Variants in TSNARE1 observed in about 807,000 individuals in gnomAD.
TSNARE1 encodes t-SNARE domain-containing protein 1.
A neutral mutation model predicts 62.0 loss-of-function variants in TSNARE1; 49 were observed. That is an observed-to-expected ratio of 0.79 (90% CI 0.63 to 1.00). The LOEUF (loss-of-function observed/expected upper bound fraction) is 1.00. TSNARE1 is among the 50% of genes least tolerant of loss of function. The pLI is 0.00. For synonymous variants in TSNARE1, 328 were observed against 294.4 expected (o/e 1.11, Z -1.17); for missense variants, 755 against 700.1 (o/e 1.08, Z -0.88).
intron 12 of TSNARE1, among the ~76,000 whole-genome samples, chr8:142,238,757 A>ACCCCTGCACTCCCG (rs1817556356): frequency 8.4e-5 from 7 of 82,862 alleles, no homozygotes; most frequent in African/African-American, 3.4e-4. Flanking sequence ...CTGCACGCCC[A>ACCCCTGCACTCCCG]CCCCTGCACG....
At chr8:142,253,455 A>G (rs1818274697) in intron 12 of TSNARE1, among the ~76,000 whole-genome samples, 1 of 151,758 alleles carries the variant, frequency 6.6e-6, no homozygotes, top group Non-Finnish European at 1.5e-5. Flanking sequence ...CTGGGCAGGG[A>G]CCCATTGCAG....
chr8:142,296,149 T>G (rs1348449052), intron 10 of TSNARE1, among the ~76,000 whole-genome samples: 1 of 14,720 alleles, frequency 6.8e-5, no homozygotes, highest in Non-Finnish European at 1.2e-4. Flanking sequence ...GTCACTGTCA[T>G]GGGGGGGTGG....
intron 12 of TSNARE1, among the ~76,000 whole-genome samples, chr8:142,242,387 G>A (rs1817706145): frequency 6.6e-6 from 1 of 152,224 alleles, no homozygotes; most frequent in Admixed American, 6.5e-5. Flanking sequence ...CCAACAGCAT[G>A]AGCTACAAAA....
chr8:142,261,250 A>C (rs901515112), intron 12 of TSNARE1, among the ~76,000 whole-genome samples: 5 of 101,378 alleles, frequency 4.9e-5, no homozygotes, highest in Admixed American at 1.1e-4. Context: ...AGAAGGAGAG[A>C]GGGAGGAGGG....
chr8:142,381,243 T>C (rs1366359106), intron 1 of TSNARE1, among the ~76,000 whole-genome samples: 2 of 152,126 alleles, frequency 1.3e-5, no homozygotes, highest in African/African-American at 4.8e-5. Context: ...CCAGCCCAGG[T>C]CCCTGTCGGG....
chr8:142,269,160 G>T (rs1271326082), intron 12 of TSNARE1, among the ~76,000 whole-genome samples: 2 of 152,196 alleles, frequency 1.3e-5, no homozygotes, highest in Non-Finnish European at 2.9e-5. Flanking sequence ...ACTGACCAGG[G>T]TCAGGGCTGG....
intron 6 of TSNARE1, among the ~76,000 whole-genome samples, chr8:142,325,044 G>A (rs560632232): frequency 6.6e-6 from 1 of 152,344 alleles, no homozygotes; most frequent in African/African-American, 2.4e-5. Flanking sequence ...CCAGTTTCAT[G>A]AGCAGGTGAT....
intron 1 of TSNARE1, among the ~76,000 whole-genome samples, chr8:142,369,285 A>G (rs760271956): frequency 2.0e-5 from 3 of 152,210 alleles, no homozygotes; most frequent in Non-Finnish European, 4.4e-5. Context: ...GAGGGTAAAA[A>G]CAGCAGCAAC....
intron 13 of TSNARE1, among the ~76,000 whole-genome samples, chr8:142,215,489 G>C (rs936915242): frequency 6.6e-6 from 1 of 152,122 alleles, no homozygotes; most frequent in Non-Finnish European, 1.5e-5. Context: ...TGGGAACTGG[G>C]TCTCATCCAT....
At chr8:142,351,614 T>C (rs1834100296) in intron 2 of TSNARE1, among the ~76,000 whole-genome samples, 1 of 152,198 alleles carries the variant, frequency 6.6e-6, no homozygotes, top group South Asian at 2.1e-4. Context: ...CAGGTGATCC[T>C]AAACCTTATG....
rs115292064 is a variant in TSNARE1 at position 142,218,113 on chromosome 8, C to G, written c.*12-5800G>C. ...GGCCAGGTCAGGGCTCAGTGTGTGA[C>G]CAGGATCAGGGCTCCGTGTGACCAG... On this transcript the variant is annotated intron_variant, in intron 13 of 13. Transcript: ENST00000524325. Among the ~76,000 whole-genome samples, 23 of 56,342 alleles carry G rather than the reference C, an allele frequency of 4.1e-4. 9 individuals carry two copies. The highest frequency in any genetic ancestry group is 7.5e-4 in the Admixed American group (5 of 6,702). 37.0% of individuals were successfully genotyped at this position (56,342 alleles called of 152,430 possible).
At chr8:142,280,476 G>A (rs1321492658) in intron 11 of TSNARE1, among the ~76,000 whole-genome samples, 1 of 152,130 alleles carries the variant, frequency 6.6e-6, no homozygotes, top group Non-Finnish European at 1.5e-5. Context: ...CACTATACAG[G>A]GGCCCTTCTG....
intron 13 of TSNARE1, among the ~76,000 whole-genome samples, chr8:142,216,191 A>T (rs1815827334): frequency 6.6e-6 from 1 of 152,124 alleles, no homozygotes; most frequent in Non-Finnish European, 1.5e-5. Context: ...GGTGTAGAAG[A>T]AGCTCCCACC....
At chr8:142,384,016 C>T (rs901750853) in intron 1 of TSNARE1, among the ~76,000 whole-genome samples, 1 of 152,186 alleles carries the variant, frequency 6.6e-6, no homozygotes, top group Non-Finnish European at 1.5e-5. Flanking sequence ...GGGTGCAGTG[C>T]AGCACCTGCA....
At chr8:142,357,128 T>TGGCCC (rs1834809779) in intron 1 of TSNARE1, among the ~76,000 whole-genome samples, 1 of 150,888 alleles carries the variant, frequency 6.6e-6, no homozygotes, top group Non-Finnish European at 1.5e-5. Context: ...GGAAGGAGAG[T>TGGCCC]TCCAGAAAGA....
intron 12 of TSNARE1, among the ~76,000 whole-genome samples, chr8:142,255,934 AC>A (rs1385045433): frequency 5.3e-4 from 22 of 41,656 alleles, no homozygotes; most frequent in Non-Finnish European, 1.1e-3. Context: ...CATCACCATC[AC>A]CATCACCACC....
chr8:142,261,670 G>C (rs1022059938), intron 12 of TSNARE1, among the ~76,000 whole-genome samples: 1 of 152,044 alleles, frequency 6.6e-6, no homozygotes, highest in Non-Finnish European at 1.5e-5. Flanking sequence ...GCCCCGGGGT[G>C]GGGGTGCAGG....
upstream of TSNARE1, chr8:142,405,361 G>A (rs921257803): frequency 1.4e-4 from 22 of 152,182 alleles, no homozygotes; most frequent in African/African-American, 5.3e-4. Context: ...GAAGAACTCT[G>A]GTCCCACCCC....
chr8:142,292,644 C>G (rs1823994928), intron 10 of TSNARE1, among the ~76,000 whole-genome samples: 1 of 152,104 alleles, frequency 6.6e-6, no homozygotes, highest in African/African-American at 2.4e-5. Flanking sequence ...AGGTCAAGGT[C>G]AAGGTCACCA....
Sources: gnomAD v4.1 joint callset for allele counts (sites outside exome capture counted in the v4.1 genomes callset) on GRCh38, gnomAD v4.1.1 for gene constraint, MANE v1.5 for transcripts, NCBI Gene and HGNC (gene_info 2026-07-23, HGNC 2026-07-21) for gene names.